Variants in PTPRM observed in about 807,000 individuals in gnomAD.
PTPRM encodes the protein protein tyrosine phosphatase receptor type M, also known as receptor-type tyrosine-protein phosphatase mu.
PTPRM carries 47 observed loss-of-function variants against 186.7 expected under a neutral mutation model. That is an observed-to-expected ratio of 0.25 (90% confidence interval 0.20 to 0.32). The LOEUF (loss-of-function observed/expected upper bound fraction) is 0.32, where lower values mean the gene tolerates loss of function less well. Ranked by LOEUF, PTPRM falls within the 10% of genes least tolerant of loss-of-function variation. The probability of loss-of-function intolerance (pLI) is 1.00; values close to 1 mark genes in which losing one functional copy is unlikely to be tolerated. For missense variants in PTPRM, 1,494 were observed against 1,865.0 expected (o/e 0.80, Z 3.66); for synonymous variants, 668 against 674.9 (o/e 0.99, Z 0.16).
At chr18:8,156,359 G>T (rs778986979) in intron 14 of PTPRM, among the ~76,000 whole-genome samples, 1 of 152,152 alleles carries the variant, frequency 6.6e-6, no homozygotes, top group Non-Finnish European at 1.5e-5. Flanking sequence ...AGAATCTGAC[G>T]AACCTGATTT....
At chr18:8,159,603 C>G (rs946364498) in intron 14 of PTPRM, among the ~76,000 whole-genome samples, 2 of 152,172 alleles carry the variant, frequency 1.3e-5, no homozygotes, top group African/African-American at 2.4e-5. Flanking sequence ...AATTTGGACA[C>G]CTGGGATTTA....
At chr18:7,826,328 G>A (rs1441001) in intron 2 of PTPRM, among the ~76,000 whole-genome samples, 105,084 of 152,162 alleles carry the variant, frequency 0.69, 37,361 homozygotes, top group East Asian at 0.94. Flanking sequence ...CTTTGGGAAT[G>A]TCCCCTATTA....
intron 1 of PTPRM, among the ~76,000 whole-genome samples, chr18:7,735,610 A>G (rs755691321): frequency 6.6e-6 from 1 of 152,164 alleles, no homozygotes; most frequent in Admixed American, 6.5e-5. Context: ...AAAATTTGCC[A>G]TATTTTGAAA....
chr18:7,699,496 C>T (rs1037500814), intron 1 of PTPRM, among the ~76,000 whole-genome samples: 2 of 152,092 alleles, frequency 1.3e-5, no homozygotes, highest in East Asian at 1.9e-4. Context: ...GCAACGTCTG[C>T]CTCCCAGGTT....
At chr18:7,864,767 A>AATCT (rs2047589339) in intron 2 of PTPRM, among the ~76,000 whole-genome samples, 1 of 152,176 alleles carries the variant, frequency 6.6e-6, no homozygotes, top group South Asian at 2.1e-4. Flanking sequence ...GATAGCATTG[A>AATCT]ATCTATAAAT....
chr18:7,650,444 TCCCC>T, intron 1 of PTPRM, among the ~76,000 whole-genome samples: 1 of 85,644 alleles, frequency 1.2e-5, no homozygotes, highest in African/African-American at 3.8e-5. Flanking sequence ...AACTTTCAAA[TCCCC>T]CCCCCCCCCA....
At chr18:8,391,308 A>AGGTTTACT (rs2095810733) in intron 31 of PTPRM, among the ~76,000 whole-genome samples, 1 of 152,250 alleles carries the variant, frequency 6.6e-6, no homozygotes, top group African/African-American at 2.4e-5. Context: ...AGCTTATCAC[A>AGGTTTACT]GGTTTACTCA....
At chr18:8,138,215 T>TCC (rs11448532) in intron 13 of PTPRM, among the ~76,000 whole-genome samples, 2 of 149,540 alleles carry the variant, frequency 1.3e-5, no homozygotes, top group South Asian at 2.1e-4. Context: ...CTTTTTTTTT[T>TCC]TCCCTCCTCT....
intron 2 of PTPRM, among the ~76,000 whole-genome samples, chr18:7,874,135 G>T (rs571381785): frequency 5.3e-5 from 8 of 151,898 alleles, no homozygotes; most frequent in African/African-American, 9.7e-5. Context: ...AAATCCCTTC[G>T]TATATGTGTC....
intron 14 of PTPRM, among the ~76,000 whole-genome samples, chr18:8,188,882 T>G (rs564646005): frequency 6.6e-6 from 1 of 152,332 alleles, no homozygotes; most frequent in South Asian, 2.1e-4. Flanking sequence ...TGAAATTTTA[T>G]GGCATAAATA....
chr18:8,097,010 G>C (rs1194428836), intron 11 of PTPRM, among the ~76,000 whole-genome samples: 20 of 152,090 alleles, frequency 1.3e-4, no homozygotes, highest in Non-Finnish European at 5.9e-5. Context: ...ATCCTATTTT[G>C]GTGGTGGGGA....
chr18:7,842,133 C>T (rs553396711), intron 2 of PTPRM, among the ~76,000 whole-genome samples: 1 of 152,190 alleles, frequency 6.6e-6, no homozygotes, highest in Admixed American at 6.5e-5. Context: ...CTTTTAGACC[C>T]ACTTTCACAT....
At chr18:8,294,828 G>A (rs1232462616) in intron 19 of PTPRM, among the ~76,000 whole-genome samples, 2 of 152,120 alleles carry the variant, frequency 1.3e-5, no homozygotes, top group African/African-American at 4.8e-5. Context: ...CTTCTGTGTT[G>A]TGTTTTAAAA....
chr18:7,704,458 G>A (rs767760699), intron 1 of PTPRM, among the ~76,000 whole-genome samples: 74 of 152,050 alleles, frequency 4.9e-4, no homozygotes, highest in Non-Finnish European at 5.3e-4. Context: ...GTTTATTTGC[G>A]TAGAGGTGTT....
chr18:7,682,207 G>A (rs1460527272), intron 1 of PTPRM, among the ~76,000 whole-genome samples: 1 of 152,040 alleles, frequency 6.6e-6, no homozygotes, highest in Admixed American at 6.6e-5. Context: ...GCCTTATCCT[G>A]GTTCACATGT....
At chr18:8,123,662 C>T (rs2092251322) in intron 13 of PTPRM, among the ~76,000 whole-genome samples, 1 of 152,140 alleles carries the variant, frequency 6.6e-6, no homozygotes, top group Non-Finnish European at 1.5e-5. Context: ...AAGTGTTCTT[C>T]CCACAAGTAA....
intron 7 of PTPRM, among the ~76,000 whole-genome samples, chr18:7,964,414 T>C (rs2053883997): frequency 6.6e-6 from 1 of 152,238 alleles, no homozygotes; most frequent in Non-Finnish European, 1.5e-5. Context: ...TTGCTATTCC[T>C]AGTTTCTTAA....
At chr18:8,314,881 T>A in intron 21 of PTPRM, 24 bp downstream of exon 21, 1 of 1,440,906 alleles carries the variant, frequency 6.9e-7, no homozygotes, top group Non-Finnish European at 9.6e-7. Context: ...TATTTTTAAT[T>A]GATATATAAT....
intron 14 of PTPRM, among the ~76,000 whole-genome samples, chr18:8,190,362 C>A (rs6506553): frequency 0.036 from 5,506 of 152,300 alleles, 311 homozygotes; most frequent in African/African-American, 0.13. Flanking sequence ...TATGTGAGGT[C>A]ATGAGGCATT....
Sources: allele counts gnomAD v4.1 joint callset (sites outside exome capture counted in the v4.1 genomes callset), GRCh38; gene constraint gnomAD v4.1.1; transcripts MANE v1.5; gene names NCBI Gene and HGNC (gene_info 2026-07-23, HGNC 2026-07-21).